The following FRMD5 variants were observed in gnomAD, a reference collection of about 807,000 sequenced individuals.
The protein encoded by FRMD5 is FERM domain containing 5, also known as FERM domain-containing protein 5.
Under a neutral mutation model 69.0 loss-of-function variants are expected in FRMD5, and 20 were observed. That is an observed-to-expected ratio of 0.29 (90% confidence interval 0.20 to 0.42). The LOEUF (loss-of-function observed/expected upper bound fraction) is 0.42, where lower values mean the gene tolerates loss of function less well. Among genes scored for constraint, FRMD5 ranks in the 10% least tolerant of loss-of-function variants. The probability of loss-of-function intolerance (pLI) is 1.00; values close to 1 mark genes in which losing one functional copy is unlikely to be tolerated. For synonymous variants in FRMD5, 271 were observed against 260.1 expected (o/e 1.04, Z -0.40); for missense variants, 595 against 708.6 (o/e 0.84, Z 1.82).
intron 1 of FRMD5, among the ~76,000 whole-genome samples, chr15:44,135,191 C>T (rs565829690): frequency 7.9e-5 from 12 of 152,252 alleles, no homozygotes; most frequent in African/African-American, 2.6e-4. Flanking sequence ...CAACCACCCT[C>T]AATAATTTTT....
chr15:44,014,557 T>C (rs1403279490), intron 1 of FRMD5, among the ~76,000 whole-genome samples: 1 of 151,992 alleles, frequency 6.6e-6, no homozygotes, highest in Non-Finnish European at 1.5e-5. Flanking sequence ...GCCAACATGG[T>C]GAAATCCCAT....
At chr15:44,188,625 G>A (rs776566306) in intron 1 of FRMD5, among the ~76,000 whole-genome samples, 1 of 152,074 alleles carries the variant, frequency 6.6e-6, no homozygotes, top group African/African-American at 2.4e-5. Context: ...CCTATCTAGG[G>A]GCCATACTTT....
At chr15:43,988,494 A>G (rs1401266006) in intron 1 of FRMD5, among the ~76,000 whole-genome samples, 1 of 151,856 alleles carries the variant, frequency 6.6e-6, no homozygotes, top group Non-Finnish European at 1.5e-5. Context: ...ATGCACTTTT[A>G]TTCAACTGGT....
chr15:44,037,952 C>A (rs1595656466), intron 1 of FRMD5, among the ~76,000 whole-genome samples: 1 of 152,344 alleles, frequency 6.6e-6, no homozygotes, highest in Non-Finnish European at 1.5e-5. Context: ...CACATCTTCT[C>A]CAGCATCTGT....
intron 1 of FRMD5, among the ~76,000 whole-genome samples, chr15:44,190,794 A>G (rs1394191368): frequency 6.6e-6 from 1 of 152,258 alleles, no homozygotes; most frequent in Non-Finnish European, 1.5e-5. Flanking sequence ...GCAATCATGT[A>G]GCACAAACAA....
chr15:43,939,659 T>C (rs948859752), intron 1 of FRMD5, among the ~76,000 whole-genome samples: 6 of 152,096 alleles, frequency 3.9e-5, no homozygotes, highest in Admixed American at 1.3e-4. Context: ...CTGAGCTCAA[T>C]TGATCCTCCT....
chr15:44,168,831 C>T (rs553914008), intron 1 of FRMD5, among the ~76,000 whole-genome samples: 17 of 152,290 alleles, frequency 1.1e-4, no homozygotes, highest in African/African-American at 3.4e-4. Flanking sequence ...GATCTTAATG[C>T]GCTAGGATCC....
intron 1 of FRMD5, among the ~76,000 whole-genome samples, chr15:44,010,748 G>A (rs1345270906): frequency 6.6e-6 from 1 of 152,110 alleles, no homozygotes; most frequent in African/African-American, 2.4e-5. Flanking sequence ...TGGATTACTT[G>A]AAGCACAGAA....
intron 1 of FRMD5, among the ~76,000 whole-genome samples, chr15:44,047,904 A>G (rs1566919253): frequency 6.6e-6 from 1 of 152,164 alleles, no homozygotes; most frequent in African/African-American, 2.4e-5. Context: ...TTTTATTGCA[A>G]AATCATATTC....
intron 13 of FRMD5, among the ~76,000 whole-genome samples, chr15:43,880,280 T>A (rs1054200895): frequency 2.6e-5 from 4 of 152,178 alleles, no homozygotes; most frequent in Admixed American, 2.6e-4. Flanking sequence ...TGGTGGAGCA[T>A]GAACCAATTT....
intron 1 of FRMD5, among the ~76,000 whole-genome samples, chr15:43,957,962 CA>C (rs2090140694): frequency 2.6e-5 from 4 of 152,190 alleles, no homozygotes; most frequent in South Asian, 2.1e-4. Context: ...CATAACTCCA[CA>C]AGGTATATAT....
At chr15:44,179,733 A>G (rs1435461002) in intron 1 of FRMD5, among the ~76,000 whole-genome samples, 1 of 152,224 alleles carries the variant, frequency 6.6e-6, no homozygotes, top group African/African-American at 2.4e-5. Context: ...TGGCGGGATC[A>G]TCTATTTGTG....
chr15:44,019,779 A>C (rs1414272440), intron 1 of FRMD5, among the ~76,000 whole-genome samples: 1 of 150,858 alleles, frequency 6.6e-6, no homozygotes, highest in African/African-American at 2.4e-5. Context: ...AAAAGAAAAG[A>C]AAAAAGAAAG....
chr15:44,075,707 C>T (rs950701342), intron 1 of FRMD5, among the ~76,000 whole-genome samples: 6 of 152,102 alleles, frequency 3.9e-5, no homozygotes, highest in Admixed American at 2.0e-4. Context: ...AGACGTTCCA[C>T]AGGAAAAGGA....
intron 1 of FRMD5, among the ~76,000 whole-genome samples, chr15:44,111,165 G>A (rs1053102900): frequency 3.9e-5 from 6 of 151,992 alleles, no homozygotes; most frequent in Admixed American, 6.6e-5. Context: ...ATACATATAT[G>A]TGTGTGCTTC....
intron 1 of FRMD5, among the ~76,000 whole-genome samples, chr15:44,080,274 T>G (rs1325618181): frequency 1.3e-5 from 2 of 152,134 alleles, no homozygotes; most frequent in African/African-American, 4.8e-5. Context: ...GACAGTACTG[T>G]GTTTTACAAT....
intron 1 of FRMD5, among the ~76,000 whole-genome samples, chr15:43,977,837 C>G (rs2090487324): frequency 6.6e-6 from 1 of 152,106 alleles, no homozygotes; most frequent in Admixed American, 6.5e-5. Context: ...TTTTGGAGTA[C>G]TAACTGTTGC....
intron 8 of FRMD5, 116 bp downstream of exon 8, chr15:43,891,865 C>T (rs532689317): frequency 2.5e-6 from 2 of 801,746 alleles, no homozygotes; most frequent in South Asian, 1.5e-5. Flanking sequence ...CAACGCAAGG[C>T]TTTGGAGAGG....
At chr15:44,028,279 T>G (rs1036025108) in intron 1 of FRMD5, among the ~76,000 whole-genome samples, 1 of 152,200 alleles carries the variant, frequency 6.6e-6, no homozygotes. Context: ...ATAACTGCCA[T>G]GCTAGGTCTA....
Sources: gnomAD v4.1 joint callset for allele counts (sites outside exome capture counted in the v4.1 genomes callset) on GRCh38, gnomAD v4.1.1 for gene constraint, MANE v1.5 for transcripts, NCBI Gene and HGNC (gene_info 2026-07-23, HGNC 2026-07-21) for gene names.